The following CDS1 variants were observed in gnomAD, a reference collection of about 807,000 sequenced individuals.
The protein encoded by CDS1 is phosphatidate cytidylyltransferase 1.
Under a neutral mutation model 62.1 loss-of-function variants are expected in CDS1, and 41 were observed. The ratio of observed to expected loss-of-function variants is 0.66; its 90% CI spans 0.51 to 0.86. The LOEUF (loss-of-function observed/expected upper bound fraction) is 0.86, where lower values mean the gene tolerates loss of function less well. Among genes scored for constraint, CDS1 ranks in the 40% least tolerant of loss-of-function variants. CDS1 has a pLI of 0.00. For missense variants in CDS1, 470 were observed against 550.1 expected (o/e 0.85, Z 1.46); for synonymous variants, 185 against 192.6 (o/e 0.96, Z 0.32).
intron 2 of CDS1, among the ~76,000 whole-genome samples, chr4:84,605,600 C>T (rs1176859579): frequency 6.6e-6 from 1 of 151,946 alleles, no homozygotes; most frequent in Non-Finnish European, 1.5e-5. Context: ...TGACCTAATT[C>T]CCAGATATAA....
chr4:84,591,033 TAA>T (rs1722576725), intron 1 of CDS1, among the ~76,000 whole-genome samples: 2 of 152,298 alleles, frequency 1.3e-5, no homozygotes, highest in African/African-American at 4.8e-5. Context: ...TTCTTCAAAA[TAA>T]AAGTTTCTTT....
intron 1 of CDS1, among the ~76,000 whole-genome samples, chr4:84,590,541 G>A (rs996834259): frequency 2.0e-5 from 3 of 152,156 alleles, no homozygotes; most frequent in Non-Finnish European, 4.4e-5. Context: ...ACTACATCAA[G>A]CTTTGGATGT....
intron 8 of CDS1, among the ~76,000 whole-genome samples, chr4:84,635,658 CCTT>C (rs1724176343): frequency 1.1e-4 from 13 of 123,798 alleles, no homozygotes; most frequent in African/African-American, 4.3e-4. Context: ...TTCCTTCCTT[CCTT>C]CCTTCCTTCC....
chr4:84,592,233 G>A (rs1722614328), intron 1 of CDS1, among the ~76,000 whole-genome samples: 2 of 128,718 alleles, frequency 1.6e-5, no homozygotes, highest in Non-Finnish European at 3.1e-5. Context: ...GCACGATCTT[G>A]GGTCACTACA....
Position 84,612,865 on chromosome 4 carries a change from T to C in CDS1, c.342+3340T>C, listed in dbSNP as rs540782680. 3.4e-4 allele frequency among the ~76,000 whole-genome samples: 51 copies of C among 151,866 alleles called. 1 individual carries two copies. The highest frequency in any genetic ancestry group is 2.7e-3 in the South Asian group (13 of 4,814). On this transcript the variant is annotated intron_variant, in intron 3 of 12. Coordinates refer to ENST00000295887, the MANE Select transcript of CDS1 (RefSeq NM_001263.4). ...TAGCCGGGTGGTAGAGGCGTGTGCC[T>C]GTAATCTGAGCTACTTGGGAGGCTG... is the stretch of plus-strand genomic sequence containing the variant.
chr4:84,603,932 G>A (rs192500907), intron 1 of CDS1, among the ~76,000 whole-genome samples: 2 of 152,242 alleles, frequency 1.3e-5, no homozygotes, highest in African/African-American at 2.4e-5. Context: ...AACTAACACC[G>A]TGATCTCCCA....
In CDS1 at chr4:84,615,867, G is replaced by A. The variant is rs73831545; in HGVS notation, c.343-1697G>A. 6.3e-3 allele frequency among the ~76,000 whole-genome samples: 959 copies of A among 152,268 alleles called. 12 individuals carry two copies. The highest frequency in any genetic ancestry group is 0.022 in the African/African-American group (927 of 41,550). ...ATTTCTGTGTAATCCTCCAGTCCTG[G>A]AAGATACACATATAGTTGAAGGATT... On this transcript the variant is annotated intron_variant, in intron 3 of 12. Transcript: ENST00000295887.
rs751177183 is a variant in CDS1, at chr4:84,604,270, G to A, written c.145G>A (p.Asp49Asn). 3.1e-6 allele frequency: 5 copies of A among 1,612,310 alleles called. No individual in the cohort carries two copies. Among genetic ancestry groups the A allele is most frequent in the Non-Finnish European group, 2.5e-6 (3 of 1,179,074 alleles). The change falls in exon 2 of 13, where the codon GAT becomes AAT. Residue 49 changes from aspartate to asparagine, a missense_variant. By Grantham distance (23) the Asp-to-Asn change is conservative. Around this residue, in one of 5 missense-constraint regions of CDS1, gnomAD observed 150 missense variants for 142.0 expected, o/e 1.06. Coordinates refer to ENST00000295887, the MANE Select transcript of CDS1 (RefSeq NM_001263.4). ...KETDIDDRYG[D>N]LDSRTDSDIP... ...AACAGATATTGATGACAGATATGGA[G>A]ATTTGGATTCCAGAACAGATTCTGA...
rs1016814365 is a variant in CDS1, at chr4:84,650,033, A to C, written c.*1347A>C. The C allele has an allele frequency of 6.6e-6, 1 of 152,232 alleles. No homozygotes were observed. The highest frequency in any genetic ancestry group is 1.5e-5 in the Non-Finnish European group (1 of 68,042). 9.4% of individuals were successfully genotyped at this position (152,232 alleles called of 1,614,324 possible). On this transcript the variant is annotated 3_prime_UTR_variant, in exon 13 of 13. Coordinates refer to ENST00000295887, the MANE Select transcript of CDS1 (RefSeq NM_001263.4). ...CAAAAATTGCCCAGTGTTCCTAGTT[A>C]AATGTTCAGAGGGGAGAAATAGATA... is the stretch of plus-strand genomic sequence containing the variant.
chr4:84,596,227 A>T (rs1190822806), intron 1 of CDS1, among the ~76,000 whole-genome samples: 1 of 152,190 alleles, frequency 6.6e-6, no homozygotes, highest in African/African-American at 2.4e-5. Context: ...AAATGGGCTG[A>T]GGAGCTCCCC....
intron 11 of CDS1, among the ~76,000 whole-genome samples, chr4:84,644,813 A>G (rs761194931): frequency 1.3e-5 from 2 of 152,242 alleles, no homozygotes; most frequent in African/African-American, 2.4e-5. Context: ...CTATTAGGAT[A>G]AACAAGTTAG....
At chr4:84,604,200 T>C in intron 1 of CDS1, 43 bp from the exon 2 acceptor site, 1 of 1,582,796 alleles carries the variant, frequency 6.3e-7, no homozygotes, top group South Asian at 1.1e-5. Flanking sequence ...CCTGTGCTTT[T>C]TTAAACGTGA....
chr4:84,641,896 TTCTC>T (rs1300133152), intron 10 of CDS1, among the ~76,000 whole-genome samples: 3 of 152,384 alleles, frequency 2.0e-5, no homozygotes, highest in Non-Finnish European at 2.9e-5. Context: ...AACAAATTAT[TTCTC>T]TCTGAGTGCT....
At chr4:84,584,888 T>C (rs772407535) in intron 1 of CDS1, among the ~76,000 whole-genome samples, 5 of 152,158 alleles carry the variant, frequency 3.3e-5, no homozygotes, top group Non-Finnish European at 5.9e-5. Flanking sequence ...CTGAGAATAG[T>C]CTTTGTGAAA....
intron 5 of CDS1, among the ~76,000 whole-genome samples, chr4:84,631,351 T>A (rs543362589): frequency 1.3e-5 from 2 of 152,190 alleles, no homozygotes; most frequent in Non-Finnish European, 2.9e-5. Context: ...TAATAAAGGA[T>A]CATCATTAAA....
chr4:84,587,683 G>GA (rs1303146584), intron 1 of CDS1, among the ~76,000 whole-genome samples: 1 of 152,134 alleles, frequency 6.6e-6, no homozygotes. Flanking sequence ...AGACTTGCCA[G>GA]AAAAAACTGA....
At chr4:84,599,403 CACATATATATATATATATATAT>C (rs1331472603) in intron 1 of CDS1, among the ~76,000 whole-genome samples, 15 of 17,226 alleles carry the variant, frequency 8.7e-4, no homozygotes, top group East Asian at 2.4e-3. Context: ...GACACACACA[CACATATATATATATATATATAT>C]ATATATATAT....
chr4:84,597,986 C>T (rs1459739954), intron 1 of CDS1, among the ~76,000 whole-genome samples: 7 of 151,600 alleles, frequency 4.6e-5, no homozygotes, highest in African/African-American at 1.7e-4. Flanking sequence ...ATTAGCCGGG[C>T]GTGGTGGCGG....
chr4:84,624,067 C>A (rs1028752603), intron 5 of CDS1, among the ~76,000 whole-genome samples: 1 of 151,792 alleles, frequency 6.6e-6, no homozygotes, highest in Non-Finnish European at 1.5e-5. Context: ...GTCAGGAAAT[C>A]GAGACCATCC....
Sources: allele counts gnomAD v4.1 joint callset (sites outside exome capture counted in the v4.1 genomes callset), GRCh38; gene constraint gnomAD v4.1.1; regional missense constraint gnomAD v4.1.1; transcripts MANE v1.5; gene names NCBI Gene and HGNC (gene_info 2026-07-23, HGNC 2026-07-21).